Variants in FOXN3 observed in about 807,000 individuals in gnomAD.
FOXN3 encodes the protein forkhead box N3.
A neutral mutation model predicts 38.4 loss-of-function variants in FOXN3; 7 were observed. That is an observed-to-expected ratio of 0.18 (90% CI 0.10 to 0.34). The LOEUF is 0.34. Among genes scored for constraint, FOXN3 ranks in the 10% least tolerant of loss-of-function variants. The pLI is 1.00. For missense variants in FOXN3, 456 were observed against 613.4 expected, an observed-to-expected ratio of 0.74 and a Z score of 2.71; for synonymous variants, 230 against 242.2, an observed-to-expected ratio of 0.95 and a Z score of 0.47.
chr14:89,478,765 C>T (rs955561616), intron 1 of FOXN3, among the ~76,000 whole-genome samples: 2 of 151,772 alleles, frequency 1.3e-5, no homozygotes, highest in Admixed American at 6.6e-5. Flanking sequence ...AACCCTGTCT[C>T]TACTGAAAAT....
At chr14:89,342,361 T>C (rs1888642132) in intron 3 of FOXN3, among the ~76,000 whole-genome samples, 1 of 152,254 alleles carries the variant, frequency 6.6e-6, no homozygotes, top group East Asian at 1.9e-4. Flanking sequence ...TCCATTTAAA[T>C]AAAACAACAC....
At chr14:89,295,119 A>C (rs1886996081) in intron 3 of FOXN3, among the ~76,000 whole-genome samples, 1 of 152,082 alleles carries the variant, frequency 6.6e-6, no homozygotes, top group Non-Finnish European at 1.5e-5. Flanking sequence ...GAACACCTGC[A>C]CCCAGGAGGC....
At chr14:89,406,691 A>G (rs1891396910) in intron 2 of FOXN3, among the ~76,000 whole-genome samples, 1 of 152,202 alleles carries the variant, frequency 6.6e-6, no homozygotes, top group South Asian at 2.1e-4. Flanking sequence ...TCAGCTCTGG[A>G]TATAATAAAC....
At chr14:89,241,159 C>T (rs1390463061) in intron 4 of FOXN3, among the ~76,000 whole-genome samples, 1 of 152,246 alleles carries the variant, frequency 6.6e-6, no homozygotes, top group Non-Finnish European at 1.5e-5. Context: ...CAAAGTGACA[C>T]AACGGCATTG....
intron 3 of FOXN3, among the ~76,000 whole-genome samples, chr14:89,328,703 G>A (rs980330540): frequency 1.3e-5 from 2 of 152,214 alleles, no homozygotes; most frequent in African/African-American, 4.8e-5. Context: ...AAAGGGAAAC[G>A]GAGGCTTGGC....
At chr14:89,332,023 G>A (rs183687033) in intron 3 of FOXN3, among the ~76,000 whole-genome samples, 26 of 152,224 alleles carry the variant, frequency 1.7e-4, no homozygotes, top group South Asian at 4.1e-4. Flanking sequence ...AATGAGCTGC[G>A]TTTCCCAAAC....
intron 1 of FOXN3, among the ~76,000 whole-genome samples, chr14:89,486,278 C>T (rs1294613254): frequency 1.3e-5 from 2 of 152,152 alleles, no homozygotes; most frequent in African/African-American, 4.8e-5. Context: ...TGTGAAAATT[C>T]CCAGCAATGT....
rs528745748 is a variant in FOXN3, at chr14:89,611,771, A to C, written c.-15+7257T>G. On this transcript the variant is annotated intron_variant, in intron 1 of 6. Coordinates refer to the FOXN3 transcript ENST00000345097. ...CAGTGAGCCGAGATCGTGCCACTGC[A>C]CTCCAGCCTGGGCGACAGAGTGAGA... Among the ~76,000 whole-genome samples, 34 of 142,628 alleles carry C rather than the reference A, an allele frequency of 2.4e-4. No homozygotes were observed. In the East Asian group the frequency reaches 4.3e-3, roughly 18 times the overall value. 93.6% of individuals were successfully genotyped at this position (142,628 alleles called of 152,430 possible). A position where few individuals can be genotyped will look rare whatever the true frequency, so the allele number is the denominator to read the frequency against.
At chr14:89,176,293 C>G (rs1039920160) in intron 5 of FOXN3, among the ~76,000 whole-genome samples, 4 of 152,166 alleles carry the variant, frequency 2.6e-5, no homozygotes, top group African/African-American at 9.7e-5. Flanking sequence ...ATAAAAGTAA[C>G]ACTTCATCTA....
At chr14:89,422,660 G>A (rs533348290) in intron 1 of FOXN3, among the ~76,000 whole-genome samples, 2 of 152,224 alleles carry the variant, frequency 1.3e-5, no homozygotes, top group Non-Finnish European at 2.9e-5. Context: ...ACATCTTGGT[G>A]TGTGTAAAGT....
In FOXN3 at chr14:89,500,937, A is replaced by C. The variant is rs535237605; in HGVS notation, c.-14-88447T>G. Among the ~76,000 whole-genome samples the C allele has an allele frequency of 1.3e-3, 199 of 152,344 alleles. 1 individual carries two copies. Among genetic ancestry groups the C allele is most frequent in the Middle Eastern group, 3.4e-3 (1 of 294 alleles). Reference sequence around the variant, plus strand: ...CTCCTTTTCATTCTGAAATTATCACAGTGAAGTTTGCTTTAAATGTCTCCT... The same window carrying C: ...CTCCTTTTCATTCTGAAATTATCACCGTGAAGTTTGCTTTAAATGTCTCCT... On this transcript the variant is annotated intron_variant, in intron 1 of 6. Coordinates refer to the FOXN3 transcript ENST00000345097.
intron 1 of FOXN3, among the ~76,000 whole-genome samples, chr14:89,443,779 G>A (rs983030334): frequency 6.6e-6 from 1 of 152,136 alleles, no homozygotes; most frequent in African/African-American, 2.4e-5. Context: ...GGAGGCCAAG[G>A]TGGGCGGGTC....
intron 2 of FOXN3, chr14:89,401,446 G>A: frequency 2.6e-6 from 1 of 384,520 alleles, no homozygotes; most frequent in Non-Finnish European, 5.1e-6. Context: ...AACAACAACA[G>A]TAGGTATTCT....
intron 5 of FOXN3, among the ~76,000 whole-genome samples, chr14:89,178,473 G>C (rs1363691736): frequency 1.3e-5 from 2 of 152,160 alleles, no homozygotes; most frequent in African/African-American, 4.8e-5. Flanking sequence ...AAGTCTCTCT[G>C]TTCAATTACT....
chr14:89,459,522 G>A (rs1414560617), intron 1 of FOXN3, among the ~76,000 whole-genome samples: 1 of 152,222 alleles, frequency 6.6e-6, no homozygotes, highest in East Asian at 1.9e-4. Context: ...AGAGCCTGCA[G>A]TGGACTGGAG....
Position 89,455,568 on chromosome 14 carries a change from C to T in FOXN3, c.-14-43078G>A, listed in dbSNP as rs72703660. ...ACTGGAGTAACGCCGAGGGCGCCCA[C>T]TGGATTAACAACCAGCTGAGTGAGC... On this transcript the variant is annotated intron_variant, in intron 1 of 6. Coordinates refer to the FOXN3 transcript ENST00000345097. Among the ~76,000 whole-genome samples the T allele has an allele frequency of 8.6e-3, 1,303 of 152,296 alleles. 6 individuals carry two copies. Among genetic ancestry groups the T allele is most frequent in the Non-Finnish European group, 0.014 (983 of 68,032 alleles).
rs144059767 is a variant in FOXN3, at chr14:89,462,196, A to G, written c.-14-49706T>C. On this transcript the variant is annotated intron_variant, in intron 1 of 6. Coordinates refer to the FOXN3 transcript ENST00000345097. ...GCAACCTTGATGGGCTCTCCCAATC[A>G]TGAGGATAAAAGTCAATTTCTCCTC... 3.1e-4 allele frequency among the ~76,000 whole-genome samples: 47 copies of G among 152,360 alleles called. 1 individual carries two copies. The East Asian group carries it at 8.3e-3, about 27-fold the overall frequency.
intron 2 of FOXN3, among the ~76,000 whole-genome samples, chr14:89,365,691 T>TA (rs977699947): frequency 3.3e-5 from 5 of 152,106 alleles, no homozygotes; most frequent in Admixed American, 2.6e-4. Context: ...CAGAAGCATT[T>TA]AAAAAAACTT....
intron 4 of FOXN3, among the ~76,000 whole-genome samples, chr14:89,210,101 C>T (rs887076662): frequency 1.7e-4 from 26 of 152,334 alleles, no homozygotes; most frequent in African/African-American, 5.8e-4. Flanking sequence ...CATACTGATA[C>T]GGTTTGGATC....
Sources: allele counts gnomAD v4.1 joint callset (sites outside exome capture counted in the v4.1 genomes callset), GRCh38; gene constraint gnomAD v4.1.1; transcripts MANE v1.5; gene names NCBI Gene and HGNC (gene_info 2026-07-23, HGNC 2026-07-21).